RNF146: variants seen among roughly 807,000 people sequenced by gnomAD.
RNF146 encodes the protein E3 ubiquitin-protein ligase RNF146.
Under a neutral mutation model 29.7 loss-of-function variants are expected in RNF146, and 11 were observed. The observed-to-expected ratio is 0.37, with a 90% CI of 0.23 to 0.61. The LOEUF (loss-of-function observed/expected upper bound fraction) is 0.61. RNF146 is among the 20% of genes least tolerant of loss of function. RNF146 has a pLI of 0.66. For missense variants in RNF146, 342 were observed against 438.9 expected (o/e 0.78, Z 1.97); for synonymous variants, 150 against 159.7 (o/e 0.94, Z 0.46).
chr6:127,271,693 C>T (rs929798573), intron 1 of RNF146, among the ~76,000 whole-genome samples: 2 of 152,078 alleles, frequency 1.3e-5, no homozygotes, highest in African/African-American at 4.8e-5. Flanking sequence ...AGTATGCATA[C>T]GCTTACCCAA....
chr6:127,286,643 T>A lies in RNF146; in HGVS notation c.30T>A (p.His10Gln). The A allele has an allele frequency of 1.2e-6, 2 of 1,611,276 alleles. No individual in the cohort carries two copies. Among genetic ancestry groups the A allele is most frequent in the Non-Finnish European group, 1.7e-6 (2 of 1,178,532 alleles). MMAGCGEIDHSINMLPTNRK... is the reference protein window; with the variant it reads MMAGCGEIDQSINMLPTNRK... ...TGGCTGGCTGTGGTGAAATTGATCATTCAATAAACATGCTTCCTACAAACA... is the reference window on the plus strand; with the variant it reads ...TGGCTGGCTGTGGTGAAATTGATCAATCAATAAACATGCTTCCTACAAACA... The change falls in exon 3 of 3, where the codon CAT becomes CAA. Residue 10 changes from histidine (H) to glutamine (Q), a missense_variant. Transcript: ENST00000368314. This position sits in a 1 kb window ranked among gnomAD's most constrained non-coding sequence, Gnocchi z 4.6.
rs977886160 is a variant in RNF146, at chr6:127,282,598, CTTCTA to C, written c.2+2266_2+2270del. ...CTTTCATTTCTTTTTCCTTAGCATT[CTTCTA>C]TTCTATTGTTGGAAACTTACATCAG... On this transcript the variant is annotated intron_variant, in intron 2 of 2. Coordinates refer to ENST00000368314, the MANE Select transcript of RNF146 (RefSeq NM_001242850.2). Among the ~76,000 whole-genome samples the C allele has an allele frequency of 6.6e-5, 10 of 151,816 alleles. 1 individual carries two copies. Among genetic ancestry groups the C allele is most frequent in the South Asian group, 4.1e-4 (2 of 4,820 alleles).
chr6:127,277,964 A>G (rs529388365), intron 1 of RNF146, among the ~76,000 whole-genome samples: 73 of 152,218 alleles, frequency 4.8e-4, no homozygotes, highest in African/African-American at 1.6e-3. Flanking sequence ...TTTAGGGGCC[A>G]CATAATGGCA....
At chr6:127,280,148 A>T (rs1313944559) in intron 1 of RNF146, 83 bp from the exon 2 acceptor site, 2 of 550,824 alleles carry the variant, frequency 3.6e-6, no homozygotes, top group Non-Finnish European at 6.4e-6. Context: ...TTTTAAGATA[A>T]AGTTTTCCAC....
rs565788719 is a variant in RNF146 at position 127,270,332 on chromosome 6, T to C, written c.-109+3407T>C. ...ATCTAATTTGGTTTTAGACTTTTTC[T>C]TTTTTTTATGTTACCTTCTTCATAC... is the stretch of plus-strand genomic sequence containing the variant. On this transcript the variant is annotated intron_variant, in intron 1 of 2. Transcript: ENST00000368314. Among the ~76,000 whole-genome samples, 26 of 152,168 alleles carry C rather than the reference T, an allele frequency of 1.7e-4. No homozygotes were observed. In the South Asian group the frequency reaches 5.2e-3, roughly 30 times the overall value.
Position 127,286,874 on chromosome 6 carries a change from CTTG to C in RNF146, c.266_268del (p.Leu89del), listed in dbSNP as rs772226037. 6.2e-7 allele frequency: 1 copy of C among 1,613,220 alleles called. No individual in the cohort carries two copies. The highest frequency in any genetic ancestry group is 1.1e-5 in the South Asian group (1 of 91,074). On this transcript the variant is annotated inframe_deletion, in exon 3 of 3. Coordinates refer to ENST00000368314, the MANE Select transcript of RNF146 (RefSeq NM_001242850.2). This position sits in a 1 kb window ranked among gnomAD's most constrained non-coding sequence, Gnocchi z 4.6. ...CCGAGGATTTCCTTGACAAGCCAAC[CTTG>C]TTGTCACCAGAAGAACTCAAGGCAG...
At chr6:127,269,299 A>G (rs1777120909) in intron 1 of RNF146, among the ~76,000 whole-genome samples, 1 of 152,244 alleles carries the variant, frequency 6.6e-6, no homozygotes, top group East Asian at 1.9e-4. Flanking sequence ...GGATGAGATA[A>G]CAAAAGACTG....
At chr6:127,276,724 CAGAG>C (rs1278465393) in intron 1 of RNF146, among the ~76,000 whole-genome samples, 1 of 151,988 alleles carries the variant, frequency 6.6e-6, no homozygotes, top group African/African-American at 2.4e-5. Context: ...ATTAAGATTT[CAGAG>C]AGGCAGCAGT....
chr6:127,272,778 C>T (rs1777678447), intron 1 of RNF146, among the ~76,000 whole-genome samples: 1 of 152,136 alleles, frequency 6.6e-6, no homozygotes, highest in African/African-American at 2.4e-5. Context: ...ACCCCTTGCA[C>T]AATTGAAAAT....
At chr6:127,280,433 T>G in intron 2 of RNF146, 93 bp downstream of exon 2, 1 of 1,421,210 alleles carries the variant, frequency 7.0e-7, no homozygotes, top group Non-Finnish European at 9.5e-7. Flanking sequence ...ATATGTAGTT[T>G]TAATTATATT....
intron 1 of RNF146, among the ~76,000 whole-genome samples, chr6:127,268,556 C>A (rs995619856): frequency 1.3e-5 from 2 of 152,086 alleles, no homozygotes; most frequent in Admixed American, 6.5e-5. Flanking sequence ...TGTTTTGGTG[C>A]CTTGTATATC....
chr6:127,283,002 C>T (rs1326871352), intron 2 of RNF146, among the ~76,000 whole-genome samples: 1 of 151,586 alleles, frequency 6.6e-6, no homozygotes, highest in Admixed American at 6.6e-5. Context: ...ATCTTTTTTG[C>T]TTATAATAAT....
At chr6:127,278,414 A>G (rs1326066757) in intron 1 of RNF146, among the ~76,000 whole-genome samples, 3 of 151,572 alleles carry the variant, frequency 2.0e-5, no homozygotes, top group African/African-American at 7.3e-5. Context: ...TTCTGCTTCT[A>G]TGAATTTGCC....
At chr6:127,270,663 C>G (rs905772232) in intron 1 of RNF146, among the ~76,000 whole-genome samples, 2 of 152,104 alleles carry the variant, frequency 1.3e-5, no homozygotes, top group Non-Finnish European at 2.9e-5. Flanking sequence ...AAGGTTTGAA[C>G]CGTGTAGTTC....
intron 1 of RNF146, among the ~76,000 whole-genome samples, chr6:127,268,050 AT>A (rs796849076): frequency 6.6e-6 from 1 of 152,182 alleles, no homozygotes; most frequent in East Asian, 1.9e-4. Flanking sequence ...TCTAAGTGCC[AT>A]TTTAGTGAGC....
At chr6:127,272,655 G>C (rs993636768) in intron 1 of RNF146, among the ~76,000 whole-genome samples, 1 of 152,126 alleles carries the variant, frequency 6.6e-6, no homozygotes, top group African/African-American at 2.4e-5. Flanking sequence ...GTTGTTCTAC[G>C]CAAATGTATT....
In RNF146 at chr6:127,286,002, A is replaced by T; in HGVS notation, c.3-614A>T. 8.3e-7 allele frequency: 1 copy of T among 1,208,608 alleles called. No homozygotes were observed. Among genetic ancestry groups the T allele is most frequent in the South Asian group, 4.3e-5 (1 of 23,402 alleles). 74.9% of individuals were successfully genotyped at this position (1,208,608 alleles called of 1,614,324 possible). ...ATTATAAATTTTATGTCAGTGTTTA[A>T]GCTAGATACATCCAATTTGACAAAT... On this transcript the variant is annotated intron_variant, in intron 2 of 2. Transcript: ENST00000368314. This position sits in a 1 kb window ranked among gnomAD's most constrained non-coding sequence, Gnocchi z 4.6.
intron 1 of RNF146, among the ~76,000 whole-genome samples, chr6:127,275,091 C>T (rs1229048611): frequency 6.6e-6 from 1 of 152,138 alleles, no homozygotes; most frequent in Non-Finnish European, 1.5e-5. Flanking sequence ...TGGATAGATG[C>T]TGGGCTGACC....
chr6:127,285,154 T>C (rs557228988), intron 2 of RNF146: 558 of 963,418 alleles, frequency 5.8e-4, no homozygotes, highest in Non-Finnish European at 6.6e-4. Context: ...GTTGGTTCCT[T>C]TACTAGATAT....
Sources: gnomAD v4.1 joint callset for allele counts (sites outside exome capture counted in the v4.1 genomes callset) on GRCh38, gnomAD v4.1.1 for gene constraint, Gnocchi (gnomAD v3.1) non-coding constraint, MANE v1.5 for transcripts, NCBI Gene and HGNC (gene_info 2026-07-23, HGNC 2026-07-21) for gene names.